Variants in CSMD1 observed in about 807,000 individuals in gnomAD.
CSMD1 encodes CUB and Sushi multiple domains 1.
A neutral mutation model predicts 417.5 loss-of-function variants in CSMD1; 213 were observed. The ratio of observed to expected loss-of-function variants is 0.51; its 90% CI spans 0.46 to 0.57. The LOEUF is 0.57. CSMD1 is among the 20% of genes least tolerant of loss of function. The pLI, the probability that CSMD1 is intolerant of heterozygous loss-of-function variation, is 0.00. For synonymous variants in CSMD1, 2,862 were observed against 1,736.8 expected (o/e 1.65, Z -16.11); for missense variants, 6,923 against 4,529.7 (o/e 1.53, Z -15.17).
chr8:3,669,636 G>A (rs1798886262), intron 7 of CSMD1, among the ~76,000 whole-genome samples: 1 of 152,126 alleles, frequency 6.6e-6, no homozygotes, highest in South Asian at 2.1e-4. Flanking sequence ...TCGCCCGCTG[G>A]GTACATCATT....
intron 25 of CSMD1, among the ~76,000 whole-genome samples, chr8:3,292,411 A>C (rs377686977): frequency 1.3e-5 from 2 of 152,136 alleles, no homozygotes; most frequent in African/African-American, 4.8e-5. Flanking sequence ...TGATCTGTCT[A>C]ATGTTGACAG....
intron 6 of CSMD1, among the ~76,000 whole-genome samples, chr8:3,751,299 AGTGTGTGTGT>A (rs67753470): frequency 5.0e-5 from 7 of 140,288 alleles, no homozygotes; most frequent in South Asian, 2.3e-4. Context: ...ATACAATTGA[AGTGTGTGTGT>A]GTGTGTGTGT....
chr8:4,965,661 T>C (rs1216459842), intron 1 of CSMD1, among the ~76,000 whole-genome samples: 1 of 152,214 alleles, frequency 6.6e-6, no homozygotes, highest in African/African-American at 2.4e-5. Flanking sequence ...TGAAAGTACA[T>C]GCTCTTAGTC....
At chr8:4,289,513 G>C (rs1292876648) in intron 3 of CSMD1, among the ~76,000 whole-genome samples, 3 of 152,274 alleles carry the variant, frequency 2.0e-5, no homozygotes, top group African/African-American at 4.8e-5. Context: ...TCCACTGTCA[G>C]TATGAGCAAG....
intron 12 of CSMD1, among the ~76,000 whole-genome samples, chr8:3,448,345 G>GAAGGA (rs147339192): frequency 3.7e-4 from 1 of 2,732 alleles, no homozygotes; most frequent in Non-Finnish European, 7.2e-4. Context: ...GGGAGGGAGG[G>GAAGGA]AGGAAGGAAG....
Position 4,564,101 on chromosome 8 carries a change from G to C in CSMD1, c.302+73241C>G, listed in dbSNP as rs146341181. 9.8e-4 allele frequency among the ~76,000 whole-genome samples: 149 copies of C among 152,252 alleles called. 2 individuals carry two copies. In the East Asian group the frequency reaches 0.013, roughly 13 times the overall value. Reference sequence around the variant, plus strand: ...TAAGCATATTTAAATAAATTGATGAGATAATGGTCTTCCAATATTTATATT... The same window carrying C: ...TAAGCATATTTAAATAAATTGATGACATAATGGTCTTCCAATATTTATATT... On this transcript the variant is annotated intron_variant, in intron 2 of 69. Coordinates refer to ENST00000635120, the MANE Select transcript of CSMD1 (RefSeq NM_033225.6).
At chr8:4,121,905 A>G (rs1347306163) in intron 3 of CSMD1, among the ~76,000 whole-genome samples, 1 of 152,124 alleles carries the variant, frequency 6.6e-6, no homozygotes, top group South Asian at 2.1e-4. Context: ...ATACCAACTC[A>G]TGAATCACAC....
intron 1 of CSMD1, among the ~76,000 whole-genome samples, chr8:4,766,727 A>T (rs751458202): frequency 3.3e-5 from 5 of 152,174 alleles, no homozygotes; most frequent in Non-Finnish European, 7.3e-5. Flanking sequence ...CAGAACCTCC[A>T]CTAATCCTAC....
chr8:3,431,959 G>C (rs181909422), intron 12 of CSMD1, among the ~76,000 whole-genome samples: 1 of 152,192 alleles, frequency 6.6e-6, no homozygotes, highest in South Asian at 2.1e-4. Context: ...AATGTTAGTA[G>C]ATGCTTGATA....
chr8:4,660,068 G>T (rs977955185), intron 1 of CSMD1, among the ~76,000 whole-genome samples: 1 of 143,356 alleles, frequency 7.0e-6, no homozygotes, highest in Non-Finnish European at 1.5e-5. Flanking sequence ...TAAAAGAAAG[G>T]ATGTCCACTC....
chr8:3,302,282 T>A (rs919633420), intron 25 of CSMD1, among the ~76,000 whole-genome samples: 15 of 152,152 alleles, frequency 9.9e-5, no homozygotes, highest in African/African-American at 3.4e-4. Context: ...CTCTAGAAGT[T>A]TCTTTAATGT....
chr8:3,121,650 A>C lies in CSMD1; in HGVS notation c.6242-3063T>G, dbSNP rs535449604. On this transcript the variant is annotated intron_variant, in intron 41 of 69. Coordinates refer to ENST00000635120, the MANE Select transcript of CSMD1 (RefSeq NM_033225.6). ...TTTTACCTACTATCTAAAGATGTAA[A>C]AGGCTGGGAGCAGTGACTCATGCCT... Among the ~76,000 whole-genome samples, 219 of 152,182 alleles carry C rather than the reference A, an allele frequency of 1.4e-3. 5 individuals carry two copies. Among genetic ancestry groups the C allele is most frequent in the Admixed American group, 9.2e-3 (141 of 15,282 alleles).
intron 26 of CSMD1, among the ~76,000 whole-genome samples, chr8:3,275,156 T>C (rs1448732582): frequency 1.3e-5 from 2 of 152,172 alleles, no homozygotes; most frequent in African/African-American, 2.4e-5. Flanking sequence ...TTTGCTTGTC[T>C]GTAAAGTATT....
At chr8:3,129,900 G>A (rs1207987287) in intron 41 of CSMD1, among the ~76,000 whole-genome samples, 1 of 151,988 alleles carries the variant, frequency 6.6e-6, no homozygotes, top group Non-Finnish European at 1.5e-5. Flanking sequence ...AGAATCACCT[G>A]AGCCCGGGGG....
chr8:4,760,600 A>G (rs1164003584), intron 1 of CSMD1, among the ~76,000 whole-genome samples: 1 of 152,212 alleles, frequency 6.6e-6, no homozygotes, highest in Non-Finnish European at 1.5e-5. Context: ...CCTATGAAAA[A>G]ATAGAAAAAT....
At chr8:4,565,055 T>C (rs73184927) in intron 2 of CSMD1, among the ~76,000 whole-genome samples, 26,848 of 152,218 alleles carry the variant, frequency 0.18, 2,680 homozygotes, top group Non-Finnish European at 0.22. Flanking sequence ...GGCCTAGATT[T>C]AAGATAAACA....
intron 1 of CSMD1, among the ~76,000 whole-genome samples, chr8:4,751,333 G>C (rs981764235): frequency 6.6e-6 from 1 of 152,018 alleles, no homozygotes; most frequent in Non-Finnish European, 1.5e-5. Flanking sequence ...TGCAGTGAGA[G>C]TGAGCCGAGA....
chr8:3,390,946 T>C (rs4495450), intron 17 of CSMD1, among the ~76,000 whole-genome samples: 71,790 of 151,890 alleles, frequency 0.47, 17,401 homozygotes, highest in African/African-American at 0.57. Context: ...ATAAAGCCAG[T>C]GAGCCAAGAA....
At chr8:4,227,941 C>A (rs1038295941) in intron 3 of CSMD1, among the ~76,000 whole-genome samples, 1 of 151,156 alleles carries the variant, frequency 6.6e-6, no homozygotes, top group Non-Finnish European at 1.5e-5. Flanking sequence ...AGACACACAC[C>A]CTCCATCCTG....
Sources: gnomAD v4.1 joint callset for allele counts (sites outside exome capture counted in the v4.1 genomes callset) on GRCh38, gnomAD v4.1.1 for gene constraint, MANE v1.5 for transcripts, NCBI Gene and HGNC (gene_info 2026-07-23, HGNC 2026-07-21) for gene names.